TRPM1: variants seen among roughly 807,000 people sequenced by gnomAD.
The protein encoded by TRPM1 is TRPM1-203 APA Isoform, Intron 10.
Under a neutral mutation model 149.4 loss-of-function variants are expected in TRPM1, and 113 were observed. The ratio of observed to expected loss-of-function variants is 0.76; its 90% CI spans 0.65 to 0.88. The LOEUF (loss-of-function observed/expected upper bound fraction) is 0.88. TRPM1 is among the 40% of genes least tolerant of loss of function. The pLI is 0.00. For missense variants in TRPM1, 1,976 were observed against 2,038.7 expected, an observed-to-expected ratio of 0.97 and a Z score of 0.59; for synonymous variants, 741 against 759.5, an observed-to-expected ratio of 0.98 and a Z score of 0.40.
Position 31,015,243 on chromosome 15 carries a change from C to G in TRPM1, c.3629+10896G>C, listed in dbSNP as rs113026940. Reference sequence around the variant, plus strand: ...ACAACGTGGCAAAACCCCATCTCTACTAAAAAATAAAAATAATAAATTAGC... The same window carrying G: ...ACAACGTGGCAAAACCCCATCTCTAGTAAAAAATAAAAATAATAAATTAGC... On this transcript the variant is annotated intron_variant, in intron 27 of 27. Coordinates refer to ENST00000256552, the MANE Select transcript of TRPM1 (RefSeq NM_001252024.2). Among the ~76,000 whole-genome samples, 755 of 150,448 alleles carry G rather than the reference C, an allele frequency of 5.0e-3. 4 individuals carry two copies. The highest frequency in any genetic ancestry group is 0.018 in the African/African-American group (720 of 40,914).
chr15:31,052,590 C>T (rs1440010254), intron 11 of TRPM1, among the ~76,000 whole-genome samples: 1 of 152,128 alleles, frequency 6.6e-6, no homozygotes, highest in African/African-American at 2.4e-5. Context: ...GCCTGGCCAA[C>T]ATGGTAAAAT....
intron 1 of TRPM1, among the ~76,000 whole-genome samples, chr15:31,158,847 G>A (rs1241591944): frequency 6.6e-6 from 1 of 152,042 alleles, no homozygotes; most frequent in Non-Finnish European, 1.5e-5. Flanking sequence ...CATCTTTAAA[G>A]CAAAATTAGG....
Position 31,002,757 on chromosome 15 carries a change from G to C in TRPM1, c.3943C>G (p.Pro1315Ala). Residue 1315 changes from proline to alanine, a missense_variant, in exon 28 of 28, where the codon CCA (proline) becomes GCA (alanine). Coordinates refer to ENST00000256552, the MANE Select transcript of TRPM1 (RefSeq NM_001252024.2). ...LFEDTSLSTS[P>A]GTGVRKKTCS... is the part of the protein sequence containing the mutation. ...GTTTTTTTCCTGACTCCTGTCCCTG[G>C]TGACGTGGAGAGAGATGTATCCTCA... The C allele has an allele frequency of 1.2e-6, 2 of 1,614,116 alleles. No homozygotes were observed. Among genetic ancestry groups the C allele is most frequent in the Middle Eastern group, 1.6e-4 (1 of 6,062 alleles).
chr15:31,053,785 G>A (rs2034011717), intron 11 of TRPM1, among the ~76,000 whole-genome samples: 1 of 152,170 alleles, frequency 6.6e-6, no homozygotes, highest in Admixed American at 6.5e-5. Flanking sequence ...AGAAGTATTT[G>A]TACACCTACA....
intron 27 of TRPM1, among the ~76,000 whole-genome samples, chr15:31,024,318 T>A (rs532681846): frequency 2.0e-5 from 3 of 152,336 alleles, no homozygotes; most frequent in South Asian, 4.1e-4. Context: ...ATAGCTACTT[T>A]TATTTCCATC....
intron 4 of TRPM1, 158 bp downstream of exon 4, chr15:31,069,873 C>G (rs1401816382): frequency 6.3e-7 from 1 of 1,590,974 alleles, no homozygotes; most frequent in African/African-American, 1.3e-5. Context: ...GGCTAAAAGC[C>G]ATGTGCACAG....
chr15:31,057,452 G>C (rs906766309), intron 11 of TRPM1, among the ~76,000 whole-genome samples: 1 of 152,052 alleles, frequency 6.6e-6, no homozygotes, highest in Non-Finnish European at 1.5e-5. Flanking sequence ...CTTAATAACT[G>C]GGTGGTGAAA....
At position 31,040,322 on chromosome 15, in the gene TRPM1, C is replaced by T. The variant is rs770274189; in HGVS notation, c.2112G>A (p.Glu704=). 3.7e-6 allele frequency: 6 copies of T among 1,614,186 alleles called. No individual in the cohort carries two copies. The highest frequency in any genetic ancestry group is 5.1e-6 in the Non-Finnish European group (6 of 1,180,036). The change falls in exon 18 of 28, where the codon GAG becomes GAA. Residue 704 remains glutamate (E), a synonymous_variant. Transcript: ENST00000256552. The surrounding 1 kb of genome is among the most constrained non-coding windows in gnomAD (Gnocchi z 4.2). ...CATGCTTATAGGACTGGTCTAATAACTCCAAAGCAAGCTGGCCGAAGTCTC... is the reference window on the plus strand; with the variant it reads ...CATGCTTATAGGACTGGTCTAATAATTCCAAAGCAAGCTGGCCGAAGTCTC... ...NSKDFGQLAL[E]LLDQSYKHDE...
In TRPM1 at chr15:31,002,573, A is replaced by G; in HGVS notation, c.4127T>C (p.Leu1376Ser). 1 of 1,614,026 alleles carries G rather than the reference A, an allele frequency of 6.2e-7. No individual in the cohort carries two copies. Among genetic ancestry groups the G allele is most frequent in the Non-Finnish European group, 8.5e-7 (1 of 1,180,016 alleles). ...CTTTGAAATCCCAATATCTGGACCTAATTTTGACTCTTCAGCGTTCTTTAA... is the reference window on the plus strand; with the variant it reads ...CTTTGAAATCCCAATATCTGGACCTGATTTTGACTCTTCAGCGTTCTTTAA... ...DDLKNAEESK[L>S]GPDIGISKED... The change falls in exon 28 of 28, where the codon TTA becomes TCA. Residue 1376 changes from leucine (L) to serine (S), a missense_variant. Leu to Ser is a moderately radical substitution (Grantham distance 145). Around this residue, in one of 3 missense-constraint regions of TRPM1, gnomAD observed 572 missense variants for 578.9 expected, o/e 0.99. Transcript: ENST00000256552.
chr15:31,051,667 C>G (rs1449537901), intron 11 of TRPM1, among the ~76,000 whole-genome samples: 1 of 152,194 alleles, frequency 6.6e-6, no homozygotes, highest in Non-Finnish European at 1.5e-5. Context: ...CCTTTCCACT[C>G]TACTCTCTTC....
chr15:31,074,405 T>C (rs2034640007), intron 3 of TRPM1, among the ~76,000 whole-genome samples: 1 of 152,172 alleles, frequency 6.6e-6, no homozygotes, highest in Non-Finnish European at 1.5e-5. Context: ...TGTACATTTT[T>C]TCTTGAGTCA....
At chr15:31,113,378 G>A (rs964655115) in intron 1 of TRPM1, among the ~76,000 whole-genome samples, 7 of 151,948 alleles carry the variant, frequency 4.6e-5, no homozygotes, top group South Asian at 4.1e-4. Flanking sequence ...CACAACCAAC[G>A]GGGTTCTCCA....
At chr15:31,124,882 A>T (rs1262873508) in intron 1 of TRPM1, among the ~76,000 whole-genome samples, 2 of 152,094 alleles carry the variant, frequency 1.3e-5, no homozygotes, top group African/African-American at 4.8e-5. Context: ...TTTTGTCAAA[A>T]CTAAGAATGG....
chr15:31,046,968 T>C (rs2033783444), intron 15 of TRPM1, 143 bp downstream of exon 15: 2 of 1,183,704 alleles, frequency 1.7e-6, no homozygotes, highest in South Asian at 1.2e-5. Flanking sequence ...GGCTCTGGCC[T>C]GAGAGCACTG....
intron 27 of TRPM1, among the ~76,000 whole-genome samples, chr15:31,016,305 C>G (rs2032353090): frequency 6.6e-6 from 1 of 152,158 alleles, no homozygotes; most frequent in African/African-American, 2.4e-5. Flanking sequence ...GTATTCAGCA[C>G]TAATAAATGA....
intron 1 of TRPM1, among the ~76,000 whole-genome samples, chr15:31,150,278 C>CT (rs2036282314): frequency 6.6e-6 from 1 of 151,192 alleles, no homozygotes; most frequent in Admixed American, 6.6e-5. Context: ...ACGGAGGACT[C>CT]TGTGATCCCT....
chr15:31,103,214 T>C (rs1252954879), upstream of TRPM1, among the ~76,000 whole-genome samples: 2 of 152,218 alleles, frequency 1.3e-5, no homozygotes, highest in East Asian at 1.9e-4. Context: ...CAGGTTCAGA[T>C]AAGATGGAAA....
chr15:31,077,449 G>T (rs1019115604), intron 2 of TRPM1, among the ~76,000 whole-genome samples: 2 of 32,200 alleles, frequency 6.2e-5, no homozygotes, highest in African/African-American at 1.3e-4. Context: ...CTCTTGTTCT[G>T]TCACCAGGGA....
At chr15:31,047,349 T>C in intron 14 of TRPM1, 98 bp from the exon 15 acceptor site, 1 of 1,348,556 alleles carries the variant, frequency 7.4e-7, no homozygotes, top group Non-Finnish European at 1.1e-6. Flanking sequence ...GGCCCCCACT[T>C]GGGAGTTCAT....
Sources: gnomAD v4.1 joint callset for allele counts (sites outside exome capture counted in the v4.1 genomes callset) on GRCh38, gnomAD v4.1.1 for gene constraint, gnomAD v4.1.1 regional missense constraint, Gnocchi (gnomAD v3.1) non-coding constraint, MANE v1.5 for transcripts, NCBI Gene and HGNC (gene_info 2026-07-23, HGNC 2026-07-21) for gene names.